AFF3: variants seen among roughly 807,000 people sequenced by gnomAD.
AFF3 encodes the protein ALF transcription elongation factor 3.
AFF3 carries 32 observed loss-of-function variants against 129.7 expected under a neutral mutation model. That is an observed-to-expected ratio of 0.25 (90% confidence interval 0.19 to 0.33). The LOEUF is 0.33. AFF3 is among the 10% of genes least tolerant of loss of function. The pLI is 1.00. For synonymous variants in AFF3, 644 were observed against 635.4 expected (o/e 1.01, Z -0.20); for missense variants, 1,373 against 1,592.0 (o/e 0.86, Z 2.34).
chr2:99,953,924 C>T (rs1297756290), intron 7 of AFF3, among the ~76,000 whole-genome samples: 1 of 152,186 alleles, frequency 6.6e-6, no homozygotes, highest in Non-Finnish European at 1.5e-5. Context: ...GGGAGAGACT[C>T]AGCTCTCACC....
chr2:100,007,692 C>T (rs969253589), intron 5 of AFF3: 10 of 542,312 alleles, frequency 1.8e-5, no homozygotes, highest in Admixed American at 1.0e-4. Context: ...TCTATCCGGC[C>T]GGGCGCGGTG....
intron 11 of AFF3, among the ~76,000 whole-genome samples, chr2:99,697,301 TCCTGCCCAAATTCTG>T (rs1399728875): frequency 6.6e-6 from 1 of 152,202 alleles, no homozygotes; most frequent in Non-Finnish European, 1.5e-5. Context: ...GAGATGGCCT[TCCTGCCCAAATTCTG>T]CCCAACTTCT....
At chr2:100,056,972 T>C (rs1176351982) in intron 4 of AFF3, among the ~76,000 whole-genome samples, 1 of 152,188 alleles carries the variant, frequency 6.6e-6, no homozygotes, top group Non-Finnish European at 1.5e-5. Context: ...ACAGGGTTCA[T>C]GGGCTCTCAG....
intron 11 of AFF3, among the ~76,000 whole-genome samples, chr2:99,684,076 G>C (rs929550111): frequency 2.0e-5 from 3 of 152,138 alleles, no homozygotes; most frequent in Non-Finnish European, 4.4e-5. Context: ...TGGACTGTAG[G>C]GGGAGAATGA....
At chr2:99,890,131 G>A (rs1459099257) in intron 7 of AFF3, among the ~76,000 whole-genome samples, 1 of 152,178 alleles carries the variant, frequency 6.6e-6, no homozygotes, top group Non-Finnish European at 1.5e-5. Context: ...TGTGAATTTG[G>A]TACATGTACC....
intron 7 of AFF3, among the ~76,000 whole-genome samples, chr2:99,865,703 G>A (rs1576223301): frequency 1.3e-5 from 2 of 152,242 alleles, no homozygotes; most frequent in South Asian, 4.2e-4. Flanking sequence ...AAACAAAGAA[G>A]GAGACAACCC....
intron 11 of AFF3, among the ~76,000 whole-genome samples, chr2:99,696,345 C>A (rs898404895): frequency 3.3e-5 from 5 of 152,296 alleles, no homozygotes; most frequent in Admixed American, 2.0e-4. Flanking sequence ...GAGCAGAAAT[C>A]ATTGCATCTC....
At chr2:100,123,787 G>A (rs1692077132) in intron 2 of AFF3, among the ~76,000 whole-genome samples, 1 of 152,114 alleles carries the variant, frequency 6.6e-6, no homozygotes, top group Non-Finnish European at 1.5e-5. Flanking sequence ...CTAACAGTAA[G>A]CACGTGAAAC....
rs1319854064 is a variant in AFF3, at chr2:99,973,132, AT to A, written c.873+33499del. On this transcript the variant is annotated intron_variant, in intron 7 of 24. Coordinates refer to ENST00000672756, the MANE Select transcript of AFF3 (RefSeq NM_001386135.1). ...ACCTTGTGTCATTTCTAAGGCTTAGATTCCCATGACCCCCAGCTGTTCTCCA... is the reference window on the plus strand; with the variant it reads ...ACCTTGTGTCATTTCTAAGGCTTAGATCCCATGACCCCCAGCTGTTCTCCA... Among the ~76,000 whole-genome samples, 4 of 152,290 alleles carry A rather than the reference AT, an allele frequency of 2.6e-5. No individual in the cohort carries two copies. The East Asian group carries it at 7.7e-4, about 29-fold the overall frequency.
chr2:99,977,975 G>A (rs1679044561), intron 7 of AFF3, among the ~76,000 whole-genome samples: 1 of 152,192 alleles, frequency 6.6e-6, no homozygotes, highest in African/African-American at 2.4e-5. Context: ...AGGAGGAGAA[G>A]AGCTCAGCTG....
chr2:99,685,070 C>T (rs1455035472), intron 11 of AFF3, among the ~76,000 whole-genome samples: 2 of 151,858 alleles, frequency 1.3e-5, no homozygotes, highest in Non-Finnish European at 2.9e-5. Context: ...TCCCAAGTAG[C>T]TGGGATTACA....
At chr2:99,976,497 T>C (rs1010974688) in intron 7 of AFF3, among the ~76,000 whole-genome samples, 1 of 152,226 alleles carries the variant, frequency 6.6e-6, no homozygotes, top group Non-Finnish European at 1.5e-5. Context: ...AAAAGATTAA[T>C]AAGTTCTGTT....
At chr2:99,693,487 A>G (rs1047263743) in intron 11 of AFF3, among the ~76,000 whole-genome samples, 1 of 152,140 alleles carries the variant, frequency 6.6e-6, no homozygotes, top group Admixed American at 6.5e-5. Flanking sequence ...TTTTTCTATT[A>G]AAGAAAAATG....
Position 99,601,549 on chromosome 2 carries a change from G to A in AFF3, c.1257C>T (p.Ser419=), listed in dbSNP as rs772990884. The change falls in exon 14 of 25, where the codon AGC becomes AGT. Residue 419 remains serine (S), a synonymous_variant. Transcript: ENST00000672756. ...SSKGSSSSSS[S]GSSSSSSDSE... is the part of the protein sequence containing the mutation. ...AGTCGCTGGAGGAGCTGCTGCTGCC[G>A]CTGCTGCTGCTGCTGCTGCTGCCCT... The A allele has an allele frequency of 8.1e-6, 12 of 1,490,196 alleles. No homozygotes were observed. Among genetic ancestry groups the A allele is most frequent in the Middle Eastern group, 1.9e-4 (1 of 5,314 alleles). The allele number at this position is 1,490,196 out of a possible 1,614,324, so 92.3% of individuals were successfully genotyped here.
At chr2:99,991,069 T>C (rs908907351) in intron 7 of AFF3, among the ~76,000 whole-genome samples, 1 of 152,146 alleles carries the variant, frequency 6.6e-6, no homozygotes, top group African/African-American at 2.4e-5. Flanking sequence ...AACCATCATG[T>C]TCTCCCAAAG....
At chr2:99,864,132 A>T (rs142641289) in intron 7 of AFF3, among the ~76,000 whole-genome samples, 1 of 152,332 alleles carries the variant, frequency 6.6e-6, no homozygotes, top group Non-Finnish European at 1.5e-5. Flanking sequence ...GCAGAATTGC[A>T]GCTTATCTAG....
chr2:99,837,185 G>T (rs569402854), intron 8 of AFF3, among the ~76,000 whole-genome samples: 1 of 152,108 alleles, frequency 6.6e-6, no homozygotes, highest in Non-Finnish European at 1.5e-5. Context: ...GGTGATAAAT[G>T]GGGCATCCAC....
chr2:99,553,280 C>T (rs1674578291), intron 24 of AFF3, among the ~76,000 whole-genome samples: 2 of 152,316 alleles, frequency 1.3e-5, no homozygotes, highest in South Asian at 4.1e-4. Flanking sequence ...TTCTGACCCC[C>T]ATGGCATTCT....
At chr2:99,818,627 ACATT>A (rs1397074816) in intron 8 of AFF3, among the ~76,000 whole-genome samples, 1 of 152,194 alleles carries the variant, frequency 6.6e-6, no homozygotes, top group Admixed American at 6.5e-5. Flanking sequence ...GAAAGCACTT[ACATT>A]TCAGTAGGAG....
Sources: allele counts gnomAD v4.1 joint callset (sites outside exome capture counted in the v4.1 genomes callset), GRCh38; gene constraint gnomAD v4.1.1; transcripts MANE v1.5; gene names NCBI Gene and HGNC (gene_info 2026-07-23, HGNC 2026-07-21).